MICAL2: variants seen among roughly 807,000 people sequenced by gnomAD.
MICAL2 encodes [F-actin]-monooxygenase MICAL2.
In MICAL2, 77 loss-of-function variants were observed where a neutral mutation model predicts 127.3. The observed-to-expected ratio is 0.60, with a 90% CI of 0.50 to 0.73. The LOEUF is 0.73. MICAL2 is among the 30% of genes least tolerant of loss of function. The pLI is 0.00. For synonymous variants in MICAL2, 570 were observed against 551.1 expected (o/e 1.03, Z -0.48); for missense variants, 1,351 against 1,434.4 (o/e 0.94, Z 0.94).
chr11:12,259,684 G>T, intron 25 of MICAL2, 111 bp from the exon 26 acceptor site: 3 of 963,410 alleles, frequency 3.1e-6, no homozygotes, highest in Non-Finnish European at 4.5e-6. Flanking sequence ...GATTATTGTG[G>T]GGGCTGGTTG....
chr11:12,229,297 G>A (rs1254080673), intron 15 of MICAL2, among the ~76,000 whole-genome samples: 2 of 152,312 alleles, frequency 1.3e-5, no homozygotes, highest in South Asian at 2.1e-4. Flanking sequence ...CAAGGAAGAT[G>A]GCAACAGAGC....
chr11:12,224,504 G>C lies in MICAL2; in HGVS notation c.1541-169G>C, dbSNP rs1003749048. ...GCCACACTCCTGACCAGGCCCCCAAGCAGCAGTCCTCAGGGAGCTGCACCC... is the reference window on the plus strand; with the variant it reads ...GCCACACTCCTGACCAGGCCCCCAACCAGCAGTCCTCAGGGAGCTGCACCC... On this transcript the variant is annotated intron_variant, in intron 12 of 27. Coordinates refer to ENST00000683283, the MANE Select transcript of MICAL2 (RefSeq NM_001282663.2). The C allele has an allele frequency of 2.7e-5, 20 of 733,850 alleles. No individual in the cohort carries two copies. The African/African-American group carries it at 3.5e-4, about 13-fold the overall frequency. 45.5% of individuals were successfully genotyped at this position (733,850 alleles called of 1,614,324 possible).
chr11:12,117,343 GC>G (rs1396403544), intron 1 of MICAL2, among the ~76,000 whole-genome samples: 1 of 152,224 alleles, frequency 6.6e-6, no homozygotes. Context: ...GACGCACACA[GC>G]CTGGAAGCCC....
chr11:12,233,393 A>G (rs899771289), intron 15 of MICAL2, among the ~76,000 whole-genome samples: 3 of 152,216 alleles, frequency 2.0e-5, no homozygotes, highest in Non-Finnish European at 4.4e-5. Context: ...CTGCTGCCCA[A>G]ATCAACAAAA....
At chr11:12,282,745 A>C (rs1863785825) in intron 2 of MICAL2, among the ~76,000 whole-genome samples, 2 of 152,220 alleles carry the variant, frequency 1.3e-5, no homozygotes, top group South Asian at 4.1e-4. Context: ...CCTAATGCTT[A>C]ACTCTGTAGT....
At chr11:12,282,432 A>C (rs1053385275) in intron 2 of MICAL2, among the ~76,000 whole-genome samples, 37 of 152,002 alleles carry the variant, frequency 2.4e-4, no homozygotes, top group African/African-American at 8.9e-4. Flanking sequence ...CCTTCCCTCC[A>C]TTTCCCCTCC....
intron 32 of MICAL2, among the ~76,000 whole-genome samples, chr11:12,337,377 A>T (rs1223808194): frequency 6.6e-6 from 1 of 151,634 alleles, no homozygotes; most frequent in East Asian, 1.9e-4. Flanking sequence ...GCGGTCTATC[A>T]ATTTTGTTGA....
chr11:12,193,384 T>G (rs976988770), intron 3 of MICAL2, among the ~76,000 whole-genome samples: 2 of 152,148 alleles, frequency 1.3e-5, no homozygotes, highest in African/African-American at 4.8e-5. Context: ...CAATAGGAAT[T>G]GGTGAAATTG....
chr11:12,330,804 ACAGAGAGAGAGAGAGAGG>A (rs2134859589), intron 32 of MICAL2, among the ~76,000 whole-genome samples: 2 of 143,218 alleles, frequency 1.4e-5, no homozygotes, highest in East Asian at 2.0e-4. Context: ...AGAGAGAGAG[ACAGAGAGAGAGAGAGAGG>A]GAGAGACAGA....
At chr11:12,332,027 A>G (rs947258417) in intron 32 of MICAL2, among the ~76,000 whole-genome samples, 1 of 152,184 alleles carries the variant, frequency 6.6e-6, no homozygotes, top group Admixed American at 6.5e-5. Flanking sequence ...CCAAACAAGG[A>G]TCTCAATGAG....
chr11:12,208,671 C>A (rs1422235266), intron 5 of MICAL2, among the ~76,000 whole-genome samples: 1 of 152,192 alleles, frequency 6.6e-6, no homozygotes. Flanking sequence ...TAATGTTTCT[C>A]TTTTTTCCTT....
At chr11:12,357,958 C>T (rs553458982) in intron 34 of MICAL2, among the ~76,000 whole-genome samples, 111 of 152,216 alleles carry the variant, frequency 7.3e-4, no homozygotes, top group African/African-American at 1.8e-3. Context: ...TTATGGAAAC[C>T]GCCTTTTTTG....
At position 12,303,341 on chromosome 11, in the gene MICAL2, C is replaced by T. The variant is rs147084431; in HGVS notation, c.5212+8484C>T. ...GAACTGTGCTGTCCAAATACAGTAG[C>T]CACTGTTTCATACTTGAGATGTAGC... On this transcript the variant is annotated intron_variant, in intron 29 of 34. Coordinates refer to the MICAL2 transcript ENST00000646065. Among the ~76,000 whole-genome samples the T allele has an allele frequency of 2.0e-5, 3 of 152,248 alleles. No individual in the cohort carries two copies. In the East Asian group the frequency reaches 5.8e-4, roughly 29 times the overall value.
intron 2 of MICAL2, among the ~76,000 whole-genome samples, chr11:12,139,267 A>G (rs1590041752): frequency 6.6e-6 from 1 of 152,292 alleles, no homozygotes; most frequent in East Asian, 1.9e-4. Flanking sequence ...TTTTGGGACC[A>G]TATATCTGTG....
At chr11:12,272,637 G>C (rs1863685946), upstream of MICAL2, among the ~76,000 whole-genome samples, 1 of 152,196 alleles carries the variant, frequency 6.6e-6, no homozygotes, top group Admixed American at 6.5e-5. Context: ...GTGGCATATG[G>C]CACCTATTTT....
At chr11:12,202,880 T>C (rs1380179399) in intron 3 of MICAL2, among the ~76,000 whole-genome samples, 1 of 152,220 alleles carries the variant, frequency 6.6e-6, no homozygotes, top group Non-Finnish European at 1.5e-5. Flanking sequence ...ATCACCATTA[T>C]CTAATTCCAG....
chr11:12,192,510 AC>A lies in MICAL2; in HGVS notation c.265-11739del, dbSNP rs796896341. On this transcript the variant is annotated intron_variant, in intron 3 of 27. Transcript: ENST00000683283. ...CCTCAGAAGCAAGGCACGGTGGCTC[AC>A]GCCTGTAATCTCAACACTTTGGGAG... Among the ~76,000 whole-genome samples the A allele has an allele frequency of 8.5e-5, 13 of 152,334 alleles. 1 individual carries two copies. Among genetic ancestry groups the A allele is most frequent in the African/African-American group, 2.9e-4 (12 of 41,582 alleles).
At chr11:12,304,204 G>A (rs1864081803) in intron 29 of MICAL2, among the ~76,000 whole-genome samples, 1 of 152,060 alleles carries the variant, frequency 6.6e-6, no homozygotes, top group African/African-American at 2.4e-5. Flanking sequence ...TGTTACAGAA[G>A]CCTTATTATT....
intron 3 of MICAL2, among the ~76,000 whole-genome samples, chr11:12,175,154 A>G (rs1449098234): frequency 2.0e-5 from 3 of 151,752 alleles, no homozygotes; most frequent in East Asian, 1.9e-4. Flanking sequence ...TGCCTGCTAC[A>G]TGCCAGGTGC....
Sources: allele counts gnomAD v4.1 joint callset (sites outside exome capture counted in the v4.1 genomes callset), GRCh38; gene constraint gnomAD v4.1.1; transcripts MANE v1.5; gene names NCBI Gene and HGNC (gene_info 2026-07-23, HGNC 2026-07-21).